The following PTPRM variants were observed in gnomAD, a reference collection of about 807,000 sequenced individuals.
The protein encoded by PTPRM is receptor-type tyrosine-protein phosphatase mu.
Under a neutral mutation model 186.7 loss-of-function variants are expected in PTPRM, and 47 were observed. That is an observed-to-expected ratio of 0.25 (90% confidence interval 0.20 to 0.32). The LOEUF is 0.32. PTPRM is among the 10% of genes least tolerant of loss of function. The pLI, the probability that PTPRM is intolerant of heterozygous loss-of-function variation, is 1.00. For synonymous variants in PTPRM, 668 were observed against 674.9 expected, an observed-to-expected ratio of 0.99 and a Z score of 0.16; for missense variants, 1,494 against 1,865.0, an observed-to-expected ratio of 0.80 and a Z score of 3.66.
chr18:8,183,389 CA>C (rs773745034), intron 14 of PTPRM, among the ~76,000 whole-genome samples: 6 of 152,156 alleles, frequency 3.9e-5, no homozygotes, highest in Non-Finnish European at 8.8e-5. Context: ...TCGGGAGAGA[CA>C]AAAAAGAGGC....
At chr18:8,357,435 T>C (rs953356119) in intron 23 of PTPRM, among the ~76,000 whole-genome samples, 1 of 152,192 alleles carries the variant, frequency 6.6e-6, no homozygotes, top group African/African-American at 2.4e-5. Flanking sequence ...CCCCCCAATT[T>C]GTCAACTGCC....
At chr18:8,149,684 GTCA>G (rs1346635861) in intron 14 of PTPRM, among the ~76,000 whole-genome samples, 3 of 67,134 alleles carry the variant, frequency 4.5e-5, no homozygotes, top group African/African-American at 6.5e-5. Flanking sequence ...ATTTGATCCT[GTCA>G]TTATGATGAT....
At chr18:7,882,419 T>G (rs976812524) in intron 2 of PTPRM, among the ~76,000 whole-genome samples, 4 of 152,188 alleles carry the variant, frequency 2.6e-5, no homozygotes, top group Non-Finnish European at 5.9e-5. Context: ...ATAGGTCAGA[T>G]GAAGCACAAA....
chr18:7,989,754 A>T (rs2083162793), intron 7 of PTPRM, among the ~76,000 whole-genome samples: 1 of 152,054 alleles, frequency 6.6e-6, no homozygotes, highest in African/African-American at 2.4e-5. Flanking sequence ...GAATAGGAAA[A>T]CCATTCCTAT....
chr18:7,730,580 C>G (rs2040638359), intron 1 of PTPRM, among the ~76,000 whole-genome samples: 1 of 152,188 alleles, frequency 6.6e-6, no homozygotes, highest in Non-Finnish European at 1.5e-5. Context: ...CTGTATCACT[C>G]TTCATTCGAA....
At chr18:7,765,749 C>T (rs1172849284) in intron 1 of PTPRM, among the ~76,000 whole-genome samples, 1 of 152,112 alleles carries the variant, frequency 6.6e-6, no homozygotes, top group Admixed American at 6.5e-5. Context: ...TTTTGATCTG[C>T]CTTCTCTATT....
chr18:8,186,195 G>A (rs12962187), intron 14 of PTPRM, among the ~76,000 whole-genome samples: 69,955 of 151,608 alleles, frequency 0.46, 17,295 homozygotes, highest in Non-Finnish European at 0.58. Context: ...GCGTGGTGGC[G>A]GGCACCTGTA....
intron 9 of PTPRM, among the ~76,000 whole-genome samples, chr18:8,082,402 A>C (rs2090173940): frequency 6.6e-6 from 1 of 151,974 alleles, no homozygotes; most frequent in African/African-American, 2.4e-5. Flanking sequence ...AGATACACAG[A>C]ATGAGAACTC....
chr18:8,071,716 G>T (rs370331598), intron 8 of PTPRM, among the ~76,000 whole-genome samples: 1 of 152,176 alleles, frequency 6.6e-6, no homozygotes, highest in Non-Finnish European at 1.5e-5. Flanking sequence ...TCCTTGGCCA[G>T]TCGGGGCCTC....
intron 4 of PTPRM, among the ~76,000 whole-genome samples, chr18:7,909,800 G>A (rs1238240036): frequency 2.6e-5 from 4 of 151,626 alleles, no homozygotes; most frequent in African/African-American, 9.7e-5. Flanking sequence ...CAAGTATATA[G>A]TTGCTCATAA....
chr18:8,232,579 A>C (rs1238775711), intron 14 of PTPRM, among the ~76,000 whole-genome samples: 1 of 152,086 alleles, frequency 6.6e-6, no homozygotes, highest in Non-Finnish European at 1.5e-5. Flanking sequence ...GTGACAGTGC[A>C]GTGGTACGAT....
chr18:8,013,333 C>T (rs545486535), intron 7 of PTPRM, among the ~76,000 whole-genome samples: 5 of 152,234 alleles, frequency 3.3e-5, no homozygotes, highest in East Asian at 1.9e-4. Flanking sequence ...TCCCCAAAAA[C>T]TTCTAATGGC....
intron 1 of PTPRM, among the ~76,000 whole-genome samples, chr18:7,578,333 T>G (rs1412370972): frequency 1.4e-5 from 1 of 71,256 alleles, no homozygotes; most frequent in Admixed American, 1.7e-4. Context: ...GGCTAATTAA[T>G]TTTTTTTTTT....
chr18:8,235,460 T>TG (rs2094334748), intron 14 of PTPRM, among the ~76,000 whole-genome samples: 1 of 67,590 alleles, frequency 1.5e-5, no homozygotes, highest in African/African-American at 4.2e-5. Context: ...TGTCTTCTTT[T>TG]TTTTTTTTTT....
At chr18:8,085,920 G>T in intron 10 of PTPRM, 48 bp downstream of exon 10, 1 of 1,568,184 alleles carries the variant, frequency 6.4e-7, no homozygotes, top group Non-Finnish European at 8.8e-7. Flanking sequence ...TAACATTTTT[G>T]TCCGTTTTCA....
intron 14 of PTPRM, among the ~76,000 whole-genome samples, chr18:8,153,683 C>CT (rs1352236080): frequency 3.8e-4 from 58 of 152,240 alleles, no homozygotes; most frequent in Non-Finnish European, 2.9e-5. Context: ...TTGTCCAGGA[C>CT]TTTTTACCAA....
At chr18:8,403,869 G>A (rs2095886410) in intron 32 of PTPRM, 2 of 152,180 alleles carry the variant, frequency 1.3e-5, no homozygotes, top group Non-Finnish European at 2.9e-5. Flanking sequence ...CCATGCTTCA[G>A]TTCATCCACG....
rs1392316581 is a variant in PTPRM, at chr18:8,381,047, TA to T, written c.3918+622del. Among the ~76,000 whole-genome samples the T allele has an allele frequency of 7.9e-5, 12 of 152,320 alleles. 1 individual carries two copies. In the East Asian group the frequency reaches 1.3e-3, roughly 17 times the overall value. On this transcript the variant is annotated intron_variant, in intron 29 of 32. Coordinates refer to ENST00000580170, the MANE Select transcript of PTPRM (RefSeq NM_001105244.2). ...AAGAAATAATACTGGGACTTGGAGA[TA>T]AGAGAAGTTTGGAATGATAAATGGG...
intron 7 of PTPRM, among the ~76,000 whole-genome samples, chr18:8,027,652 A>G (rs909955601): frequency 5.3e-5 from 8 of 152,230 alleles, no homozygotes; most frequent in Non-Finnish European, 1.2e-4. Context: ...ATAGAACAGG[A>G]AGACCCTTAG....
Sources: allele counts gnomAD v4.1 joint callset (sites outside exome capture counted in the v4.1 genomes callset), GRCh38; gene constraint gnomAD v4.1.1; transcripts MANE v1.5; gene names NCBI Gene and HGNC (gene_info 2026-07-23, HGNC 2026-07-21).